The following LRRC4C variants were observed in gnomAD, a reference collection of about 807,000 sequenced individuals.
LRRC4C encodes the protein leucine rich repeat containing 4C, also known as leucine-rich repeat-containing protein 4C.
Under a neutral mutation model 33.6 loss-of-function variants are expected in LRRC4C, and 5 were observed. That is an observed-to-expected ratio of 0.15 (90% CI 0.08 to 0.31). The LOEUF (loss-of-function observed/expected upper bound fraction) is 0.31. LRRC4C is among the 10% of genes least tolerant of loss of function. LRRC4C has a pLI of 1.00. For synonymous variants in LRRC4C, 329 were observed against 302.0 expected, an observed-to-expected ratio of 1.09 and a Z score of -0.93; for missense variants, 560 against 796.7, an observed-to-expected ratio of 0.70 and a Z score of 3.58.
chr11:41,306,829 A>G (rs527521562), intron 1 of LRRC4C, among the ~76,000 whole-genome samples: 1 of 152,218 alleles, frequency 6.6e-6, no homozygotes, highest in African/African-American at 2.4e-5. Context: ...CTTATTAAGG[A>G]AAGTTTAAGT....
chr11:40,652,928 C>A (rs1942890944), intron 2 of LRRC4C, among the ~76,000 whole-genome samples: 1 of 152,074 alleles, frequency 6.6e-6, no homozygotes, highest in Non-Finnish European at 1.5e-5. Flanking sequence ...GGACAGTTTC[C>A]CCCTGCTGTT....
chr11:40,618,038 C>T (rs1308883471), intron 3 of LRRC4C, among the ~76,000 whole-genome samples: 1 of 151,664 alleles, frequency 6.6e-6, no homozygotes, highest in Non-Finnish European at 1.5e-5. Context: ...TGTGATTTCC[C>T]TTCTCTGGCA....
chr11:40,287,937 A>G (rs1275950506), intron 4 of LRRC4C, among the ~76,000 whole-genome samples: 1 of 152,188 alleles, frequency 6.6e-6, no homozygotes, highest in Non-Finnish European at 1.5e-5. Flanking sequence ...GTCTATGCCA[A>G]TGTGAACTTA....
intron 1 of LRRC4C, among the ~76,000 whole-genome samples, chr11:41,304,737 G>T (rs1290180143): frequency 1.3e-5 from 1 of 77,946 alleles, no homozygotes; most frequent in African/African-American, 5.0e-5. Context: ...TCAGCCCCCC[G>T]CCCGGCCAGC....
At chr11:41,207,163 A>G (rs1023460351) in intron 1 of LRRC4C, among the ~76,000 whole-genome samples, 6 of 152,206 alleles carry the variant, frequency 3.9e-5, no homozygotes, top group Non-Finnish European at 8.8e-5. Context: ...AAAGGACTTA[A>G]GACTGTGGTT....
At chr11:40,415,222 C>A (rs1950283669) in intron 3 of LRRC4C, among the ~76,000 whole-genome samples, 1 of 152,158 alleles carries the variant, frequency 6.6e-6, no homozygotes, top group African/African-American at 2.4e-5. Flanking sequence ...GTTCAGAGCG[C>A]CATAACAAGA....
intron 4 of LRRC4C, among the ~76,000 whole-genome samples, chr11:40,286,677 G>A (rs951980758): frequency 6.6e-6 from 1 of 152,162 alleles, no homozygotes; most frequent in African/African-American, 2.4e-5. Context: ...ATTATTGAGT[G>A]CCAGTCATGT....
intron 2 of LRRC4C, among the ~76,000 whole-genome samples, chr11:40,728,618 T>C (rs1591565981): frequency 1.9e-5 from 2 of 106,954 alleles, no homozygotes; most frequent in African/African-American, 8.4e-5. Context: ...AGAGTCAGAC[T>C]CCGTCTCAAA....
intron 1 of LRRC4C, among the ~76,000 whole-genome samples, chr11:41,210,223 G>T (rs1333385451): frequency 6.6e-6 from 1 of 152,202 alleles, no homozygotes; most frequent in Non-Finnish European, 1.5e-5. Flanking sequence ...TATGGTTTGA[G>T]TGTGTCTTCA....
chr11:41,452,090 C>T (rs548189047), intron 1 of LRRC4C, among the ~76,000 whole-genome samples: 1 of 152,166 alleles, frequency 6.6e-6, no homozygotes, highest in South Asian at 2.1e-4. Flanking sequence ...ACATTTGTCT[C>T]AACTTATATG....
At chr11:40,706,342 G>C (rs1195906549) in intron 2 of LRRC4C, among the ~76,000 whole-genome samples, 1 of 152,088 alleles carries the variant, frequency 6.6e-6, no homozygotes, top group Non-Finnish European at 1.5e-5. Context: ...TATGGTTTTA[G>C]GGCTAACATT....
chr11:41,230,639 T>A (rs1947745244), intron 1 of LRRC4C, among the ~76,000 whole-genome samples: 1 of 151,656 alleles, frequency 6.6e-6, no homozygotes, highest in Non-Finnish European at 1.5e-5. Flanking sequence ...GTGTTTTCCT[T>A]CTCTTTCTAA....
chr11:40,230,694 G>T (rs778615711), intron 5 of LRRC4C, among the ~76,000 whole-genome samples: 3 of 152,186 alleles, frequency 2.0e-5, no homozygotes, highest in Non-Finnish European at 4.4e-5. Flanking sequence ...ATAGGAATCT[G>T]GGGTAAGAGA....
chr11:41,378,540 T>C (rs2922051), intron 1 of LRRC4C, among the ~76,000 whole-genome samples: 112,944 of 151,974 alleles, frequency 0.74, 42,573 homozygotes, highest in African/African-American at 0.86. Context: ...GTGGAAACAG[T>C]TCTGGGAAAT....
At chr11:41,383,426 T>G (rs1037159) in intron 1 of LRRC4C, among the ~76,000 whole-genome samples, 149,610 of 152,134 alleles carry the variant, frequency 0.98, 73,620 homozygotes, top group Middle Eastern at 1. Flanking sequence ...GGCCACAATT[T>G]TGTGCCATAA....
At chr11:40,522,238 C>A (rs1216705416) in intron 3 of LRRC4C, among the ~76,000 whole-genome samples, 1 of 152,194 alleles carries the variant, frequency 6.6e-6, no homozygotes, top group Non-Finnish European at 1.5e-5. Context: ...CCATGTTGGC[C>A]AGCCTGGTCT....
At chr11:41,354,129 A>G (rs1174550613) in intron 1 of LRRC4C, among the ~76,000 whole-genome samples, 1 of 152,186 alleles carries the variant, frequency 6.6e-6, no homozygotes, top group Non-Finnish European at 1.5e-5. Flanking sequence ...AGAAAACCCC[A>G]TAGTCTCTGG....
intron 3 of LRRC4C, among the ~76,000 whole-genome samples, chr11:40,477,461 G>T (rs372028495): frequency 6.6e-6 from 1 of 151,996 alleles, no homozygotes; most frequent in South Asian, 2.1e-4. Context: ...TAAAAGGGAT[G>T]CATCAATATA....
chr11:40,305,084 C>T (rs1944964312), intron 4 of LRRC4C, among the ~76,000 whole-genome samples: 1 of 152,178 alleles, frequency 6.6e-6, no homozygotes, highest in East Asian at 1.9e-4. Flanking sequence ...GCACTAGCCT[C>T]TCCAGGCATA....
Sources: allele counts gnomAD v4.1 joint callset (sites outside exome capture counted in the v4.1 genomes callset), GRCh38; gene constraint gnomAD v4.1.1; transcripts MANE v1.5; gene names NCBI Gene and HGNC (gene_info 2026-07-23, HGNC 2026-07-21).